The following TBC1D1 variants were observed in gnomAD, a reference collection of about 807,000 sequenced individuals.
TBC1D1 encodes the protein TBC1 domain family member 1, also known as TBC1 (tre-2/USP6, BUB2, cdc16) domain family, member 1.
In TBC1D1, 89 loss-of-function variants were observed where a neutral mutation model predicts 125.6. The observed-to-expected ratio is 0.71, with a 90% CI of 0.60 to 0.85. The LOEUF is 0.85. Ranked by LOEUF, TBC1D1 falls within the 40% of genes least tolerant of loss-of-function variation. The probability of loss-of-function intolerance (pLI) is 0.00; values close to 1 mark genes in which losing one functional copy is unlikely to be tolerated. For synonymous variants in TBC1D1, 565 were observed against 564.1 expected, an observed-to-expected ratio of 1.00 and a Z score of -0.02; for missense variants, 1,377 against 1,469.2, an observed-to-expected ratio of 0.94 and a Z score of 1.03.
intron 12 of TBC1D1, among the ~76,000 whole-genome samples, chr4:38,065,500 A>G (rs1449266581): frequency 6.6e-6 from 1 of 152,246 alleles, no homozygotes; most frequent in Non-Finnish European, 1.5e-5. Context: ...ATGGCAGGGG[A>G]TGAAACAGGC....
intron 2 of TBC1D1, among the ~76,000 whole-genome samples, chr4:38,001,305 G>T (rs1165324081): frequency 6.6e-6 from 1 of 152,122 alleles, no homozygotes; most frequent in Non-Finnish European, 1.5e-5. Context: ...AAGGGGTTTT[G>T]GGGTGTTTAG....
intron 2 of TBC1D1, among the ~76,000 whole-genome samples, chr4:37,963,824 C>T (rs867450196): frequency 2.7e-4 from 41 of 152,266 alleles, no homozygotes; most frequent in Middle Eastern, 3.4e-3. Context: ...AATCCAATAT[C>T]GGACTCTACT....
chr4:37,957,218 G>A (rs1386147319), intron 2 of TBC1D1, among the ~76,000 whole-genome samples: 1 of 152,180 alleles, frequency 6.6e-6, no homozygotes, highest in African/African-American at 2.4e-5. Context: ...CCAAAAGAAG[G>A]AAAGAGACAA....
intron 12 of TBC1D1, chr4:38,060,544 G>C: frequency 1.0e-6 from 1 of 960,696 alleles, no homozygotes; most frequent in South Asian, 1.4e-5. Context: ...GTCTGTTCAT[G>C]AGAGAGACAT....
At chr4:38,026,637 C>CT (rs937405690) in intron 6 of TBC1D1, among the ~76,000 whole-genome samples, 8 of 151,582 alleles carry the variant, frequency 5.3e-5, no homozygotes, top group African/African-American at 7.3e-5. Context: ...ATAACCCATG[C>CT]TTTTTTTTTC....
intron 19 of TBC1D1, among the ~76,000 whole-genome samples, chr4:38,133,458 A>G (rs1393696766): frequency 6.6e-6 from 1 of 152,210 alleles, no homozygotes; most frequent in Non-Finnish European, 1.5e-5. Context: ...TGCTAAGGTC[A>G]GGCAGTCCCA....
At chr4:38,100,441 A>G (rs112114617) in intron 14 of TBC1D1, among the ~76,000 whole-genome samples, 8 of 152,202 alleles carry the variant, frequency 5.3e-5, no homozygotes, top group African/African-American at 1.9e-4. Context: ...CCTCCTCTGT[A>G]TGTCTATTAT....
At chr4:37,917,533 G>C (rs747031611) in intron 2 of TBC1D1, among the ~76,000 whole-genome samples, 17 of 152,112 alleles carry the variant, frequency 1.1e-4, no homozygotes, top group Non-Finnish European at 1.9e-4. Flanking sequence ...TCAAAGAAAG[G>C]CTCTGTGTGG....
chr4:38,102,856 G>T, intron 14 of TBC1D1, 143 bp from the exon 17 acceptor site: 2 of 891,290 alleles, frequency 2.2e-6, no homozygotes, highest in South Asian at 1.9e-5. Context: ...ACTGCAGCTC[G>T]GGTGACAAAG....
At chr4:38,086,944 A>G (rs1027990214) in intron 12 of TBC1D1, among the ~76,000 whole-genome samples, 1 of 152,202 alleles carries the variant, frequency 6.6e-6, no homozygotes, top group Non-Finnish European at 1.5e-5. Flanking sequence ...GGAGGAAAAT[A>G]CACCTTTTTT....
chr4:37,965,894 G>A (rs919501628), intron 2 of TBC1D1, among the ~76,000 whole-genome samples: 4 of 151,874 alleles, frequency 2.6e-5, no homozygotes, highest in African/African-American at 7.3e-5. Context: ...GGTATTACAG[G>A]TGCCACCATG....
At chr4:38,078,339 C>A (rs1755951618) in intron 12 of TBC1D1, among the ~76,000 whole-genome samples, 1 of 152,092 alleles carries the variant, frequency 6.6e-6, no homozygotes, top group South Asian at 2.1e-4. Flanking sequence ...ACAGATTGAA[C>A]TTTTTTAAAA....
At chr4:37,940,980 A>C (rs1725446569) in intron 2 of TBC1D1, among the ~76,000 whole-genome samples, 1 of 152,128 alleles carries the variant, frequency 6.6e-6, no homozygotes, top group Non-Finnish European at 1.5e-5. Flanking sequence ...TTGGTTTATA[A>C]TTCTCTTTTT....
chr4:37,942,200 G>A (rs1353271997), intron 2 of TBC1D1, among the ~76,000 whole-genome samples: 3 of 152,098 alleles, frequency 2.0e-5, no homozygotes, highest in Admixed American at 2.0e-4. Context: ...TATGAATCTG[G>A]GTGCTCCTGT....
chr4:37,904,950 G>A (rs1716989773), intron 2 of TBC1D1, among the ~76,000 whole-genome samples: 1 of 152,206 alleles, frequency 6.6e-6, no homozygotes, highest in South Asian at 2.1e-4. Flanking sequence ...AACATTTGCT[G>A]GGTGAAATAA....
chr4:37,993,359 C>A lies in TBC1D1; in HGVS notation c.418-21150C>A, dbSNP rs111968709. Among the ~76,000 whole-genome samples, 491 of 152,240 alleles carry A rather than the reference C, an allele frequency of 3.2e-3. 2 individuals carry two copies. The highest frequency in any genetic ancestry group is 0.011 in the African/African-American group (469 of 41,552). ...AGTAAGATTTCATTACCCTGCGCCT[C>A]CCCTTAAGGCTGATCTTTATTTTTT... On this transcript the variant is annotated intron_variant, in intron 2 of 19. Transcript: ENST00000261439.
intron 2 of TBC1D1, among the ~76,000 whole-genome samples, chr4:38,004,882 C>T (rs573774127): frequency 2.6e-4 from 40 of 152,252 alleles, no homozygotes; most frequent in African/African-American, 3.9e-4. Flanking sequence ...TATTGAAAAA[C>T]GGTAAAACAT....
At chr4:38,045,173 A>G (rs577231845) in intron 9 of TBC1D1, among the ~76,000 whole-genome samples, 1 of 152,348 alleles carries the variant, frequency 6.6e-6, no homozygotes, top group South Asian at 2.1e-4. Flanking sequence ...ATGAGTGTAA[A>G]TAGCCTGATG....
At chr4:38,023,280 T>G (rs1744435108) in intron 6 of TBC1D1, among the ~76,000 whole-genome samples, 1 of 151,386 alleles carries the variant, frequency 6.6e-6, no homozygotes, top group Non-Finnish European at 1.5e-5. Context: ...TTATAAGCTA[T>G]AAGTTTGCAA....
Sources: gnomAD v4.1 joint callset for allele counts (sites outside exome capture counted in the v4.1 genomes callset) on GRCh38, gnomAD v4.1.1 for gene constraint, MANE v1.5 for transcripts, NCBI Gene and HGNC (gene_info 2026-07-23, HGNC 2026-07-21) for gene names.